PAK5: variants seen among roughly 807,000 people sequenced by gnomAD.
PAK5 encodes p21 (RAC1) activated kinase 5, also known as serine/threonine-protein kinase PAK 5.
A neutral mutation model predicts 65.9 loss-of-function variants in PAK5; 16 were observed. That is an observed-to-expected ratio of 0.24 (90% CI 0.16 to 0.37). The LOEUF (loss-of-function observed/expected upper bound fraction) is 0.37. PAK5 is among the 10% of genes least tolerant of loss of function. The pLI, the probability that PAK5 is intolerant of heterozygous loss-of-function variation, is 1.00. For synonymous variants in PAK5, 371 were observed against 354.9 expected (o/e 1.05, Z -0.51); for missense variants, 785 against 903.9 (o/e 0.87, Z 1.69).
At chr20:9,638,170 C>T (rs1050016110) in intron 3 of PAK5, among the ~76,000 whole-genome samples, 5 of 152,188 alleles carry the variant, frequency 3.3e-5, no homozygotes, top group African/African-American at 1.2e-4. Flanking sequence ...CAAACAAATA[C>T]GACCATTCAA....
In PAK5 at chr20:9,623,933, G is replaced by C. The variant is rs546620861; in HGVS notation, c.204+20192C>G. Among the ~76,000 whole-genome samples, 90 of 152,294 alleles carry C rather than the reference G, an allele frequency of 5.9e-4. No individual in the cohort carries two copies. The Middle Eastern group carries it at 0.01, about 17-fold the overall frequency. ...GTGAGAATGTAAGGTGTGCAACCTT[G>C]TGCTTTACTGGTGGGGAGTACACTG... On this transcript the variant is annotated intron_variant, in intron 3 of 9. Transcript: ENST00000353224.
chr20:9,815,470 T>C (rs1236057399), intron 1 of PAK5, among the ~76,000 whole-genome samples: 1 of 152,088 alleles, frequency 6.6e-6, no homozygotes, highest in African/African-American at 2.4e-5. Flanking sequence ...TACAAATCCA[T>C]ACACTCAGGT....
intron 1 of PAK5, among the ~76,000 whole-genome samples, chr20:9,732,401 T>C (rs2048343779): frequency 6.6e-6 from 1 of 152,182 alleles, no homozygotes; most frequent in Admixed American, 6.5e-5. Flanking sequence ...TCTGATGATA[T>C]ATTATGCATG....
intron 2 of PAK5, among the ~76,000 whole-genome samples, chr20:9,689,776 T>G (rs932936918): frequency 6.6e-6 from 1 of 152,222 alleles, no homozygotes; most frequent in Admixed American, 6.5e-5. Flanking sequence ...AAGAAGAGTT[T>G]AACAGCTAAT....
intron 3 of PAK5, among the ~76,000 whole-genome samples, chr20:9,590,951 C>T (rs1249458483): frequency 2.0e-5 from 3 of 152,148 alleles, no homozygotes; most frequent in Non-Finnish European, 4.4e-5. Context: ...AACAAGAATC[C>T]ATCATTTCCT....
chr20:9,627,364 C>T (rs1037069941), intron 3 of PAK5, among the ~76,000 whole-genome samples: 21 of 152,214 alleles, frequency 1.4e-4, no homozygotes, highest in African/African-American at 5.1e-4. Context: ...AGGTTTCCAG[C>T]CTCACAGCTC....
intron 2 of PAK5, among the ~76,000 whole-genome samples, chr20:9,707,101 C>T (rs2048017969): frequency 6.6e-6 from 1 of 151,980 alleles, no homozygotes; most frequent in Non-Finnish European, 1.5e-5. Context: ...TACATACTAT[C>T]CTGCTGTCTT....
chr20:9,712,199 A>C (rs1372580550), intron 1 of PAK5, among the ~76,000 whole-genome samples: 1 of 152,212 alleles, frequency 6.6e-6, no homozygotes, highest in Middle Eastern at 3.2e-3. Flanking sequence ...AGATATGAGA[A>C]GGTGAATCTG....
Position 9,563,080 on chromosome 20 carries a change from T to C in PAK5, c.1483-56A>G, listed in dbSNP as rs1018557408. ...GTGAAGATGAAGTTGCTTTTTGTTC[T>C]CTTGTGGCCACAACTACAATTGTAA... On this transcript the variant is annotated intron_variant, in intron 5 of 9. Transcript: ENST00000353224. 2.0e-6 allele frequency: 3 copies of C among 1,519,176 alleles called. No individual in the cohort carries two copies. In the African/African-American group the frequency reaches 4.3e-5, roughly 22 times the overall value. 94.1% of individuals were successfully genotyped at this position (1,519,176 alleles called of 1,614,324 possible). A position where few individuals can be genotyped will look rare whatever the true frequency, so the allele number is the denominator to read the frequency against.
rs1172718527 is a variant in PAK5, at chr20:9,539,356, G to T, written c.*106C>A. On this transcript the variant is annotated 3_prime_UTR_variant, in exon 10 of 10. Coordinates refer to ENST00000353224, the MANE Select transcript of PAK5 (RefSeq NM_177990.4). ...GGTCATCACGCTGTCCCACCAATTG[G>T]CTGGTCTAGAATGCACAGGCCTTTT... 5 of 1,062,370 alleles carry T rather than the reference G, an allele frequency of 4.7e-6. No homozygotes were observed. The highest frequency in any genetic ancestry group is 7.0e-6 in the Non-Finnish European group (5 of 710,554). 65.8% of individuals were successfully genotyped at this position (1,062,370 alleles called of 1,614,324 possible).
At chr20:9,717,954 A>G (rs1400876173) in intron 1 of PAK5, among the ~76,000 whole-genome samples, 1 of 152,032 alleles carries the variant, frequency 6.6e-6, no homozygotes, top group Admixed American at 6.6e-5. Context: ...GATTCTCTGG[A>G]CATTTTACTC....
chr20:9,741,203 A>T (rs1414262147), intron 1 of PAK5, among the ~76,000 whole-genome samples: 1 of 152,228 alleles, frequency 6.6e-6, no homozygotes, highest in Non-Finnish European at 1.5e-5. Context: ...GAGACCCAGT[A>T]AAGCTTCCGT....
chr20:9,572,286 C>T lies in PAK5; in HGVS notation c.991-5902G>A, dbSNP rs975324088. Among the ~76,000 whole-genome samples the T allele has an allele frequency of 3.3e-5, 5 of 152,130 alleles. No homozygotes were observed. In the East Asian group the frequency reaches 5.8e-4, roughly 18 times the overall value. ...GGAAGAAAGTGCAAACTTTCTTCTG[C>T]GATGAGACCTCCTCACATAGCTCTT... On this transcript the variant is annotated intron_variant, in intron 4 of 9. Coordinates refer to ENST00000353224, the MANE Select transcript of PAK5 (RefSeq NM_177990.4).
At chr20:9,832,321 G>A (rs1978786418) in intron 1 of PAK5, among the ~76,000 whole-genome samples, 1 of 152,002 alleles carries the variant, frequency 6.6e-6, no homozygotes, top group Admixed American at 6.6e-5. Flanking sequence ...CACCAAGCCT[G>A]GAGTGCAGTA....
intron 2 of PAK5, among the ~76,000 whole-genome samples, chr20:9,659,965 A>C (rs1329419605): frequency 1.3e-5 from 2 of 152,194 alleles, no homozygotes; most frequent in East Asian, 3.9e-4. Context: ...CCAAAGGGAA[A>C]GGGCAAGAAT....
At chr20:9,542,481 A>C in intron 9 of PAK5, 105 bp downstream of exon 9, 1 of 1,134,704 alleles carries the variant, frequency 8.8e-7, no homozygotes. Flanking sequence ...ATGCTCATAA[A>C]CCAGGATCTT....
Position 9,540,339 on chromosome 20 carries a change from C to T in PAK5, c.2005-722G>A, listed in dbSNP as rs532957898. ...CTATCAAGATATAGAACTTTTCTAC[C>T]ACTCTAGGAAGCTACTTTTAGGTTT... On this transcript the variant is annotated intron_variant, in intron 9 of 9. Coordinates refer to ENST00000353224, the MANE Select transcript of PAK5 (RefSeq NM_177990.4). Among the ~76,000 whole-genome samples, 4 of 152,308 alleles carry T rather than the reference C, an allele frequency of 2.6e-5. No individual in the cohort carries two copies. In the East Asian group the frequency reaches 7.7e-4, roughly 29 times the overall value.
chr20:9,638,904 C>A (rs139963669), intron 3 of PAK5, among the ~76,000 whole-genome samples: 130 of 152,272 alleles, frequency 8.5e-4, no homozygotes, highest in Non-Finnish European at 1.5e-3. Context: ...ACATCAGGGG[C>A]GACACACTTC....
intron 1 of PAK5, among the ~76,000 whole-genome samples, chr20:9,824,973 T>C (rs1261008352): frequency 6.6e-6 from 1 of 152,216 alleles, no homozygotes; most frequent in Admixed American, 6.5e-5. Flanking sequence ...GAATGTTCAT[T>C]GTAACATCTG....
Sources: gnomAD v4.1 joint callset for allele counts (sites outside exome capture counted in the v4.1 genomes callset) on GRCh38, gnomAD v4.1.1 for gene constraint, MANE v1.5 for transcripts, NCBI Gene and HGNC (gene_info 2026-07-23, HGNC 2026-07-21) for gene names.